Variants in TXNRD1 observed in about 807,000 individuals in gnomAD.
TXNRD1 encodes the protein thioredoxin reductase 1, cytoplasmic.
Under a neutral mutation model 80.3 loss-of-function variants are expected in TXNRD1, and 57 were observed. That is an observed-to-expected ratio of 0.71 (90% CI 0.57 to 0.89). The LOEUF is 0.89. Ranked by LOEUF, TXNRD1 falls within the 40% of genes least tolerant of loss-of-function variation. The pLI is 0.00. For missense variants in TXNRD1, 730 were observed against 803.0 expected, an observed-to-expected ratio of 0.91 and a Z score of 1.10; for synonymous variants, 291 against 285.2, an observed-to-expected ratio of 1.02 and a Z score of -0.20.
rs1320458074 is a variant in TXNRD1, at chr12:104,265,591, C to G, written c.304+7512C>G. ...CCGGAGCGGCACCCACAACATGTAC[C>G]GGGAATACCGGGACCTGACCACCGC... On this transcript the variant is annotated intron_variant, in intron 3 of 16. Transcript: ENST00000525566. The G allele has an allele frequency of 6.2e-6, 10 of 1,607,470 alleles. No homozygotes were observed. The East Asian group carries it at 2.2e-4, about 36-fold the overall frequency.
chr12:104,275,677 C>T (rs1403850376), intron 3 of TXNRD1, among the ~76,000 whole-genome samples: 1 of 152,160 alleles, frequency 6.6e-6, no homozygotes, highest in Middle Eastern at 3.2e-3. Flanking sequence ...GCCACTGCAC[C>T]CAGCCTTGAG....
At chr12:104,331,909 C>T (rs897648264) in intron 14 of TXNRD1, among the ~76,000 whole-genome samples, 15 of 151,888 alleles carry the variant, frequency 9.9e-5, no homozygotes, top group African/African-American at 2.4e-4. Context: ...TTTCTATGAA[C>T]GAGGGCATTT....
At chr12:104,224,573 A>G (rs1347222539) in intron 1 of TXNRD1, among the ~76,000 whole-genome samples, 4 of 151,920 alleles carry the variant, frequency 2.6e-5, no homozygotes, top group African/African-American at 9.7e-5. Context: ...TTTAGTAAAG[A>G]CGGGGTTTCA....
intron 3 of TXNRD1, among the ~76,000 whole-genome samples, chr12:104,271,117 G>C (rs746156778): frequency 1.3e-5 from 2 of 152,080 alleles, no homozygotes; most frequent in Non-Finnish European, 2.9e-5. Context: ...TATTTCACCT[G>C]GGTGCAGGCA....
chr12:104,330,608 C>T (rs1021806264), intron 13 of TXNRD1, among the ~76,000 whole-genome samples: 1 of 151,656 alleles, frequency 6.6e-6, no homozygotes, highest in Non-Finnish European at 1.5e-5. Flanking sequence ...TTTTTTGAGA[C>T]GAAGACTCAC....
In TXNRD1 at chr12:104,311,423, T is replaced by A. The variant is rs939553517; in HGVS notation, c.537+11T>A. On this transcript the variant is annotated intron_variant, in intron 5 of 16. Transcript: ENST00000525566. ...CTGGCAGCTGCTAAGGCAAGGCTCC[T>A]TGTGTTGTCTGTTGTCTGTTGTCTG... 2 of 1,611,526 alleles carry A rather than the reference T, an allele frequency of 1.2e-6. No homozygotes were observed. The highest frequency in any genetic ancestry group is 2.7e-5 in the African/African-American group (2 of 74,818).
chr12:104,345,589 A>G (rs1026085151), intron 16 of TXNRD1, among the ~76,000 whole-genome samples: 4 of 152,174 alleles, frequency 2.6e-5, no homozygotes, highest in Non-Finnish European at 5.9e-5. Flanking sequence ...GTTGGTGGTC[A>G]TTTATTCTGA....
intron 10 of TXNRD1, among the ~76,000 whole-genome samples, chr12:104,323,836 G>A (rs2035655695): frequency 6.6e-6 from 1 of 151,646 alleles, no homozygotes; most frequent in Admixed American, 6.6e-5. Flanking sequence ...CTCCCGGACG[G>A]GGACCTATAT....
chr12:104,311,461 A>G (rs1202708994), intron 5 of TXNRD1, 49 bp downstream of exon 5: 16 of 1,592,672 alleles, frequency 1.0e-5, no homozygotes, highest in Non-Finnish European at 1.2e-5. Flanking sequence ...TGGTGATTAG[A>G]ATATTAACAT....
At chr12:104,342,776 A>G (rs561869920) in intron 16 of TXNRD1, among the ~76,000 whole-genome samples, 168 of 152,348 alleles carry the variant, frequency 1.1e-3, no homozygotes, top group African/African-American at 3.3e-3. Flanking sequence ...CAAAAGGTCT[A>G]AAGCAGGGAG....
intron 1 of TXNRD1, among the ~76,000 whole-genome samples, chr12:104,222,828 G>A (rs972640084): frequency 1.3e-5 from 2 of 152,204 alleles, no homozygotes; most frequent in African/African-American, 4.8e-5. Flanking sequence ...TCCAGCCTGG[G>A]TGAAATAGTG....
At chr12:104,323,829 C>T (rs1240037412) in intron 10 of TXNRD1, among the ~76,000 whole-genome samples, 1 of 151,366 alleles carries the variant, frequency 6.6e-6, no homozygotes, top group Non-Finnish European at 1.5e-5. Flanking sequence ...CACCTCCCTC[C>T]CGGACGGGGA....
intron 1 of TXNRD1, among the ~76,000 whole-genome samples, chr12:104,220,927 T>C (rs531212798): frequency 6.6e-6 from 1 of 152,326 alleles, no homozygotes; most frequent in African/African-American, 2.4e-5. Context: ...CTAGTCTACA[T>C]GTATATAACT....
At chr12:104,232,556 A>G (rs1214778714) in intron 1 of TXNRD1, among the ~76,000 whole-genome samples, 1 of 151,466 alleles carries the variant, frequency 6.6e-6, no homozygotes, top group Non-Finnish European at 1.5e-5. Flanking sequence ...GCGAGACACC[A>G]CCTGAAAAAA....
chr12:104,309,979 A>T (rs2035071848), intron 4 of TXNRD1: 15 of 1,536,012 alleles, frequency 9.8e-6, no homozygotes, highest in Non-Finnish European at 1.2e-5. Context: ...TTCCTCCTTC[A>T]CATTGCTCCA....
chr12:104,220,743 T>G (rs111833886), intron 1 of TXNRD1, among the ~76,000 whole-genome samples: 2,670 of 7,640 alleles, frequency 0.35, 212 homozygotes, highest in Middle Eastern at 0.5. Flanking sequence ...AAAAAAACGG[T>G]GGGGGGGAGG....
intron 3 of TXNRD1, among the ~76,000 whole-genome samples, chr12:104,287,598 C>T (rs2034018344): frequency 6.6e-6 from 1 of 152,288 alleles, no homozygotes; most frequent in Non-Finnish European, 1.5e-5. Flanking sequence ...GTTGGCAAAA[C>T]ACATGGGGTC....
intron 4 of TXNRD1, among the ~76,000 whole-genome samples, chr12:104,301,180 A>G (rs2034610992): frequency 6.6e-6 from 1 of 152,068 alleles, no homozygotes; most frequent in Non-Finnish European, 1.5e-5. Flanking sequence ...AGGTTGGGAG[A>G]ATATAGTTTT....
chr12:104,314,935 G>T (rs890266069), intron 6 of TXNRD1, among the ~76,000 whole-genome samples: 1 of 151,854 alleles, frequency 6.6e-6, no homozygotes, highest in South Asian at 2.1e-4. Context: ...TAGAGACAGG[G>T]TTTCACCGTT....
Sources: allele counts gnomAD v4.1 joint callset (sites outside exome capture counted in the v4.1 genomes callset), GRCh38; gene constraint gnomAD v4.1.1; transcripts MANE v1.5; gene names NCBI Gene and HGNC (gene_info 2026-07-23, HGNC 2026-07-21).